Variants in DNM3 observed in about 807,000 individuals in gnomAD.
DNM3 encodes dynamin 3.
Under a neutral mutation model 101.6 loss-of-function variants are expected in DNM3, and 47 were observed. That is an observed-to-expected ratio of 0.46 (90% confidence interval 0.37 to 0.59). The LOEUF (loss-of-function observed/expected upper bound fraction) is 0.59. Ranked by LOEUF, DNM3 falls within the 20% of genes least tolerant of loss-of-function variation. DNM3 has a pLI of 0.00. For synonymous variants in DNM3, 385 were observed against 387.9 expected (o/e 0.99, Z 0.09); for missense variants, 849 against 1,085.7 (o/e 0.78, Z 3.06).
chr1:172,088,863 AG>A (rs2053714536), intron 12 of DNM3, among the ~76,000 whole-genome samples: 2 of 152,236 alleles, frequency 1.3e-5, no homozygotes, highest in African/African-American at 2.4e-5. Flanking sequence ...TGTGCAAAAA[AG>A]TTTTGAGCCA....
intron 1 of DNM3, among the ~76,000 whole-genome samples, chr1:171,875,466 G>T (rs2035679089): frequency 6.6e-6 from 1 of 152,150 alleles, no homozygotes; most frequent in South Asian, 2.1e-4. Context: ...AGATGAGTTG[G>T]AATATAGTAT....
chr1:172,326,706 G>T (rs2065951590), intron 17 of DNM3, among the ~76,000 whole-genome samples: 1 of 151,782 alleles, frequency 6.6e-6, no homozygotes, highest in Non-Finnish European at 1.5e-5. Flanking sequence ...ATTAAATTAG[G>T]CAAGTTAAAG....
At chr1:172,028,391 C>A (rs2048361923) in intron 4 of DNM3, among the ~76,000 whole-genome samples, 1 of 152,056 alleles carries the variant, frequency 6.6e-6, no homozygotes, top group Non-Finnish European at 1.5e-5. Context: ...CACAACGTAC[C>A]AGAATCTCTG....
chr1:171,866,516 A>G (rs1404228118), intron 1 of DNM3, among the ~76,000 whole-genome samples: 1 of 151,976 alleles, frequency 6.6e-6, no homozygotes, highest in Non-Finnish European at 1.5e-5. Context: ...ATGCCTAAGG[A>G]TTGTACCAAC....
intron 15 of DNM3, among the ~76,000 whole-genome samples, chr1:172,291,747 A>G (rs1330070097): frequency 6.6e-6 from 1 of 152,136 alleles, no homozygotes; most frequent in African/African-American, 2.4e-5. Flanking sequence ...ATCTGAAGTG[A>G]GTGCAGTCAG....
chr1:172,284,611 A>T lies in DNM3; in HGVS notation c.1770-24117A>T, dbSNP rs1051338953. On this transcript the variant is annotated intron_variant, in intron 15 of 20. Coordinates refer to ENST00000627582, the MANE Select transcript of DNM3 (RefSeq NM_015569.5). ...TAAATCAAGAAATGAATACCATAGG[A>T]ACATTATACAGAATGACTTTTCATG... is the stretch of plus-strand genomic sequence containing the variant. Among the ~76,000 whole-genome samples, 4 of 152,324 alleles carry T rather than the reference A, an allele frequency of 2.6e-5. No individual in the cohort carries two copies. In the South Asian group the frequency reaches 8.3e-4, roughly 32 times the overall value.
At chr1:171,988,795 A>G in intron 3 of DNM3, 150 bp from the exon 4 acceptor site, 2 of 611,742 alleles carry the variant, frequency 3.3e-6, no homozygotes, top group South Asian at 6.5e-5. Flanking sequence ...TAGCAAAACC[A>G]TTTTTATTTT....
At chr1:171,982,401 G>A (rs1178951556) in intron 2 of DNM3, among the ~76,000 whole-genome samples, 3 of 152,212 alleles carry the variant, frequency 2.0e-5, no homozygotes, top group Admixed American at 6.5e-5. Flanking sequence ...GTAGAAGACA[G>A]ATTACAGGTA....
At chr1:172,297,085 G>A (rs2064200596) in intron 15 of DNM3, among the ~76,000 whole-genome samples, 1 of 150,266 alleles carries the variant, frequency 6.7e-6, no homozygotes, top group Non-Finnish European at 1.5e-5. Context: ...GGAGGCTCCA[G>A]TGAGCCAAGA....
chr1:172,307,417 C>A (rs188715935), intron 15 of DNM3, among the ~76,000 whole-genome samples: 1 of 152,150 alleles, frequency 6.6e-6, no homozygotes, highest in Non-Finnish European at 1.5e-5. Context: ...TGCTTTTACA[C>A]GGTTGGTGGG....
intron 4 of DNM3, among the ~76,000 whole-genome samples, chr1:172,027,053 G>C (rs748468885): frequency 6.6e-6 from 1 of 152,124 alleles, no homozygotes; most frequent in African/African-American, 2.4e-5. Context: ...GAGAGATTTT[G>C]TCATCACCAG....
At chr1:172,096,805 AG>A (rs1473715039) in intron 13 of DNM3, among the ~76,000 whole-genome samples, 5 of 152,214 alleles carry the variant, frequency 3.3e-5, no homozygotes, top group Admixed American at 2.0e-4. Context: ...CCAATAGGGA[AG>A]GGAACTCAAC....
chr1:172,006,613 C>A (rs2046707432), intron 4 of DNM3, among the ~76,000 whole-genome samples: 1 of 152,088 alleles, frequency 6.6e-6, no homozygotes, highest in South Asian at 2.1e-4. Context: ...TTCATGTGGC[C>A]AATACCCTCC....
At chr1:172,330,655 T>A (rs1015555305) in intron 17 of DNM3, among the ~76,000 whole-genome samples, 1 of 152,152 alleles carries the variant, frequency 6.6e-6, no homozygotes. Context: ...GTGATAACCA[T>A]CCTTTGTGTA....
Position 172,042,000 on chromosome 1 carries a change from C to T in DNM3, c.993-9C>T. The T allele has an allele frequency of 6.4e-7, 1 of 1,569,494 alleles. No homozygotes were observed. The highest frequency in any genetic ancestry group is 8.6e-7 in the Non-Finnish European group (1 of 1,164,078). Reference sequence around the variant, plus strand: ...TTGACTTGAATCTATTTCTCTTTAACAATTACAGGATGGTTCAGCAATTTG... The same window carrying T: ...TTGACTTGAATCTATTTCTCTTTAATAATTACAGGATGGTTCAGCAATTTG... On this transcript the variant is annotated splice_polypyrimidine_tract_variant and intron_variant, in intron 7 of 20. Coordinates refer to ENST00000627582, the MANE Select transcript of DNM3 (RefSeq NM_015569.5).
intron 14 of DNM3, among the ~76,000 whole-genome samples, chr1:172,217,724 G>A: frequency 6.6e-6 from 1 of 152,074 alleles, no homozygotes; most frequent in South Asian, 2.1e-4. Flanking sequence ...ATCAACCAAA[G>A]TTTATTCTAT....
At chr1:172,093,562 T>C in intron 13 of DNM3, 1 of 658,640 alleles carries the variant, frequency 1.5e-6, no homozygotes, top group South Asian at 2.5e-5. Context: ...CTTTCAGAGG[T>C]ACAATTATTG....
chr1:172,009,131 A>T (rs901368717), intron 4 of DNM3, among the ~76,000 whole-genome samples: 1 of 137,626 alleles, frequency 7.3e-6, no homozygotes, highest in South Asian at 2.1e-4. Context: ...TAATATATAT[A>T]TTTATATTAT....
At chr1:171,950,799 C>T (rs1444023414) in intron 2 of DNM3, among the ~76,000 whole-genome samples, 1 of 152,074 alleles carries the variant, frequency 6.6e-6, no homozygotes. Context: ...TGTGTACTTA[C>T]AAATTGTTCA....
Sources: allele counts gnomAD v4.1 joint callset (sites outside exome capture counted in the v4.1 genomes callset), GRCh38; gene constraint gnomAD v4.1.1; transcripts MANE v1.5; gene names NCBI Gene and HGNC (gene_info 2026-07-23, HGNC 2026-07-21).